The following FLT4 variants were observed in gnomAD, a reference collection of about 807,000 sequenced individuals.
The protein encoded by FLT4 is fms related receptor tyrosine kinase 4.
In FLT4, 30 loss-of-function variants were observed where a neutral mutation model predicts 163.2. The ratio of observed to expected loss-of-function variants is 0.18; its 90% CI spans 0.14 to 0.25. The LOEUF (loss-of-function observed/expected upper bound fraction) is 0.25, where lower values mean the gene tolerates loss of function less well. Among genes scored for constraint, FLT4 ranks in the 10% least tolerant of loss-of-function variants. The pLI, the probability that FLT4 is intolerant of heterozygous loss-of-function variation, is 1.00. For synonymous variants in FLT4, 884 were observed against 789.5 expected (o/e 1.12, Z -2.01); for missense variants, 1,510 against 1,863.8 (o/e 0.81, Z 3.50).
At chr5:180,608,762 C>T (rs531778173) in intron 29 of FLT4, among the ~76,000 whole-genome samples, 2 of 152,126 alleles carry the variant, frequency 1.3e-5, no homozygotes, top group African/African-American at 2.4e-5. Flanking sequence ...CCAGCGCCCA[C>T]GTGGCCAGCA....
intron 29 of FLT4, among the ~76,000 whole-genome samples, chr5:180,603,630 G>A (rs909112617): frequency 5.3e-5 from 8 of 152,222 alleles, no homozygotes; most frequent in East Asian, 1.9e-4. Context: ...GGCCGGGTGC[G>A]GTGGCTCATG....
rs1013035363 is a variant in FLT4 at position 180,602,459 on chromosome 5, G to A, written c.*733C>T. 7.6e-6 allele frequency: 3 copies of A among 395,830 alleles called. No homozygotes were observed. Among genetic ancestry groups the A allele is most frequent in the South Asian group, 1.4e-4 (1 of 7,006 alleles). The allele number at this position is 395,830 out of a possible 1,614,324, so 24.5% of individuals were successfully genotyped here. On this transcript the variant is annotated 3_prime_UTR_variant, in exon 30 of 30. Transcript: ENST00000261937. Reference sequence around the variant, plus strand: ...CCTGGGCGCCTTCCAGGCTGAATTCGGAAAGCAAATTCTTCTCAGCAGCTC... The same window carrying A: ...CCTGGGCGCCTTCCAGGCTGAATTCAGAAAGCAAATTCTTCTCAGCAGCTC...
At position 180,620,806 on chromosome 5, in the gene FLT4, C is replaced by T. The variant is rs1486967330; in HGVS notation, c.2299+70G>A. Reference sequence around the variant, plus strand: ...ACCCCTTCTGGTGGCCACGACTTGCCCAAGGTGGCCACAAGAAAGCGTTAA... The same window carrying T: ...ACCCCTTCTGGTGGCCACGACTTGCTCAAGGTGGCCACAAGAAAGCGTTAA... On this transcript the variant is annotated intron_variant, in intron 15 of 29. Coordinates refer to ENST00000261937, the MANE Select transcript of FLT4 (RefSeq NM_182925.5). The surrounding 1 kb of genome is among the most constrained non-coding windows in gnomAD (Gnocchi z 4.4). 3.7e-6 allele frequency: 6 copies of T among 1,606,242 alleles called. No individual in the cohort carries two copies. The African/African-American group carries it at 6.7e-5, about 18-fold the overall frequency.
At chr5:180,632,246 C>T (rs62407083) in intron 1 of FLT4, among the ~76,000 whole-genome samples, 44,392 of 151,702 alleles carry the variant, frequency 0.29, 6,764 homozygotes, top group East Asian at 0.54. Flanking sequence ...GCAGGCCTCG[C>T]CCCCTCCTGC....
chr5:180,639,974 G>A (rs1049781661), intron 1 of FLT4, among the ~76,000 whole-genome samples: 1 of 152,190 alleles, frequency 6.6e-6, no homozygotes, highest in Non-Finnish European at 1.5e-5. Flanking sequence ...GGCAGGCACC[G>A]GGTGGAGGTC....
chr5:180,627,356 G>T (rs764618585), intron 8 of FLT4, among the ~76,000 whole-genome samples: 1 of 152,204 alleles, frequency 6.6e-6, no homozygotes, highest in African/African-American at 2.4e-5. Flanking sequence ...CAGGGCAGGG[G>T]CGGAACTGAG....
chr5:180,650,273 C>T (rs559885970), upstream of FLT4, among the ~76,000 whole-genome samples: 229 of 152,156 alleles, frequency 1.5e-3, 2 homozygotes, highest in Middle Eastern at 6.8e-3. Flanking sequence ...AGCGGGACAC[C>T]CGGGATGACC....
intron 24 of FLT4, 65 bp from the exon 25 acceptor site, chr5:180,613,175 T>C: frequency 8.4e-7 from 1 of 1,188,040 alleles, no homozygotes; most frequent in Non-Finnish European, 1.2e-6. Context: ...GCCCCCCAAG[T>C]CACCCCATCC....
chr5:180,609,821 C>T, intron 28 of FLT4, 84 bp downstream of exon 28: 4 of 1,545,908 alleles, frequency 2.6e-6, no homozygotes, highest in East Asian at 2.3e-5. Context: ...CTGCCATTTG[C>T]CTTACGAATT....
At chr5:180,643,240 C>A (rs568004850) in intron 1 of FLT4, among the ~76,000 whole-genome samples, 1 of 152,238 alleles carries the variant, frequency 6.6e-6, no homozygotes, top group African/African-American at 2.4e-5. Flanking sequence ...CACAGCCAAT[C>A]GGTCACCAAG....
chr5:180,626,769 G>C (rs1763650719), intron 8 of FLT4, among the ~76,000 whole-genome samples: 1 of 152,222 alleles, frequency 6.6e-6, no homozygotes, highest in African/African-American at 2.4e-5. Context: ...CTAGCTCCTT[G>C]ACATGTGCGT....
At chr5:180,639,842 C>T (rs1162579061) in intron 1 of FLT4, among the ~76,000 whole-genome samples, 1 of 152,194 alleles carries the variant, frequency 6.6e-6, no homozygotes, top group Non-Finnish European at 1.5e-5. Flanking sequence ...CAGCAGGAAG[C>T]ACTGTCATCC....
At position 180,628,910 on chromosome 5, in the gene FLT4, C is replaced by T; in HGVS notation, c.1075G>A (p.Ala359Thr). The change falls in exon 8 of 30, where the codon GCA (alanine) becomes ACA (threonine). Residue 359 changes from alanine to threonine, a missense_variant. Physicochemically the swap from Ala to Thr is moderately conservative, Grantham distance 58 (BLOSUM62 0). Coordinates refer to ENST00000261937, the MANE Select transcript of FLT4 (RefSeq NM_182925.5). ...DELVKLPVKL[A>T]AYPPPEFQWY... ...TGGAACTCGGGCGGGGGGTACGCTG[C>T]CAGCTTCACGGGCAGCTTCACCAGC... 6.2e-7 allele frequency: 1 copy of T among 1,612,448 alleles called. No homozygotes were observed. Among genetic ancestry groups the T allele is most frequent in the Middle Eastern group, 1.7e-4 (1 of 6,048 alleles).
At chr5:180,638,243 C>G (rs151054798) in intron 1 of FLT4, among the ~76,000 whole-genome samples, 379 of 152,326 alleles carry the variant, frequency 2.5e-3, no homozygotes, top group Admixed American at 6.6e-3. Context: ...TTGGGACACC[C>G]CACAGACAAC....
At chr5:180,608,500 C>T (rs1169179876) in intron 29 of FLT4, among the ~76,000 whole-genome samples, 2 of 152,170 alleles carry the variant, frequency 1.3e-5, no homozygotes, top group Non-Finnish European at 2.9e-5. Context: ...GTCTTTCTTT[C>T]TTACGATCTC....
intron 29 of FLT4, chr5:180,608,175 T>C (rs1416362825): frequency 2.9e-6 from 2 of 700,136 alleles, no homozygotes; most frequent in Middle Eastern, 3.7e-4. Flanking sequence ...AAGTTTGTAG[T>C]AGATAGCAGT....
At chr5:180,614,670 C>G (rs1337561786) in intron 23 of FLT4, among the ~76,000 whole-genome samples, 1 of 151,678 alleles carries the variant, frequency 6.6e-6, no homozygotes, top group Non-Finnish European at 1.5e-5. Flanking sequence ...TGGTCTCTAC[C>G]TGGGAGCCCT....
chr5:180,624,448 G>A (rs1292778054), intron 10 of FLT4, among the ~76,000 whole-genome samples: 3 of 151,962 alleles, frequency 2.0e-5, no homozygotes, highest in African/African-American at 7.3e-5. Flanking sequence ...AGCTGGTCTC[G>A]AACTCCTGAC....
In FLT4 at chr5:180,624,418, G is replaced by A. The variant is rs760240346; in HGVS notation, c.1422-357C>T. On this transcript the variant is annotated intron_variant, in intron 10 of 29. Coordinates refer to ENST00000261937, the MANE Select transcript of FLT4 (RefSeq NM_182925.5). ...TTTTTTTTGTATTTTCAGTAGAGTC[G>A]GGGTTTCTCCATGTTGGTCAGCTGG... 3.2e-4 allele frequency among the ~76,000 whole-genome samples: 48 copies of A among 152,122 alleles called. No individual in the cohort carries two copies. In the Middle Eastern group the frequency reaches 0.01, roughly 32 times the overall value.
Sources: allele counts gnomAD v4.1 joint callset (sites outside exome capture counted in the v4.1 genomes callset), GRCh38; gene constraint gnomAD v4.1.1; non-coding constraint Gnocchi (gnomAD v3.1); transcripts MANE v1.5; gene names NCBI Gene and HGNC (gene_info 2026-07-23, HGNC 2026-07-21).